The following ARFIP1 variants were observed in gnomAD, a reference collection of about 807,000 sequenced individuals.
ARFIP1 encodes ARF interacting protein 1.
ARFIP1 carries 24 observed loss-of-function variants against 42.5 expected under a neutral mutation model. That is an observed-to-expected ratio of 0.57 (90% CI 0.41 to 0.80). ARFIP1 has a LOEUF of 0.80. Among genes scored for constraint, ARFIP1 ranks in the 30% least tolerant of loss-of-function variants. The probability of loss-of-function intolerance (pLI) is 0.00; values close to 1 mark genes in which losing one functional copy is unlikely to be tolerated. For missense variants in ARFIP1, 354 were observed against 434.0 expected (o/e 0.82, Z 1.64); for synonymous variants, 141 against 153.7 (o/e 0.92, Z 0.61).
intron 1 of ARFIP1, among the ~76,000 whole-genome samples, chr4:152,804,194 TATAACATGTATTATATATTATATATA>T: frequency 2.0e-5 from 1 of 50,586 alleles, no homozygotes; most frequent in South Asian, 6.1e-4. Flanking sequence ...TTATATATAA[TATAACATGTATTATATATTATATATA>T]ATATAACATG....
chr4:152,857,609 C>T (rs2149872122), intron 2 of ARFIP1, among the ~76,000 whole-genome samples: 1 of 152,248 alleles, frequency 6.6e-6, no homozygotes, highest in African/African-American at 2.4e-5. Flanking sequence ...TTTCAGTTAG[C>T]ACAGTTTAGT....
intron 1 of ARFIP1, among the ~76,000 whole-genome samples, chr4:152,824,326 G>T (rs1180513553): frequency 3.3e-5 from 5 of 149,698 alleles, no homozygotes; most frequent in Middle Eastern, 3.5e-3. Flanking sequence ...AAAAAAAAAA[G>T]TAAAAAGGTA....
At chr4:152,889,002 G>A (rs751204376) in intron 8 of ARFIP1, among the ~76,000 whole-genome samples, 5 of 152,126 alleles carry the variant, frequency 3.3e-5, no homozygotes, top group Non-Finnish European at 2.9e-5. Context: ...AGCATGGTAC[G>A]GAATAGGTGT....
At chr4:152,868,381 AAGATCCTGTATTATTGAG>A (rs1222859078) in intron 3 of ARFIP1, among the ~76,000 whole-genome samples, 3 of 152,288 alleles carry the variant, frequency 2.0e-5, no homozygotes, top group African/African-American at 7.2e-5. Context: ...GCCAGTTAGT[AAGATCCTGTATTATTGAG>A]AGATCCTGTA....
rs7663130 is a variant in ARFIP1, at chr4:152,804,213, T to C, written c.-10+23987T>C. ...ATATAATATAACATGTATTATATAT[T>C]ATATATAATATAACATGTATTATAT... On this transcript the variant is annotated intron_variant, in intron 1 of 8. Coordinates refer to ENST00000353617, the MANE Select transcript of ARFIP1 (RefSeq NM_001025595.3). 2.7e-4 allele frequency among the ~76,000 whole-genome samples: 10 copies of C among 36,902 alleles called. No individual in the cohort carries two copies. In the East Asian group the frequency reaches 3.1e-3, roughly 11 times the overall value. 24.2% of individuals were successfully genotyped at this position (36,902 alleles called of 152,430 possible).
chr4:152,782,275 A>C (rs371621628), intron 1 of ARFIP1, among the ~76,000 whole-genome samples: 3 of 151,632 alleles, frequency 2.0e-5, no homozygotes, highest in South Asian at 4.2e-4. Flanking sequence ...CAAACTGTAA[A>C]TTGTTTGCTT....
At chr4:152,892,886 CAT>C (rs1294429964) in intron 8 of ARFIP1, among the ~76,000 whole-genome samples, 1 of 152,204 alleles carries the variant, frequency 6.6e-6, no homozygotes, top group Non-Finnish European at 1.5e-5. Flanking sequence ...GCAGTAAAGA[CAT>C]AGCTCATTTG....
chr4:152,889,940 CTA>C (rs905204083), intron 8 of ARFIP1, among the ~76,000 whole-genome samples: 11 of 138,226 alleles, frequency 8.0e-5, no homozygotes, highest in East Asian at 4.1e-4. Context: ...TATACATACA[CTA>C]TATATTTTAG....
At chr4:152,832,838 A>G (rs974227310) in intron 2 of ARFIP1, among the ~76,000 whole-genome samples, 3 of 152,208 alleles carry the variant, frequency 2.0e-5, no homozygotes, top group Admixed American at 2.0e-4. Flanking sequence ...TCTTCTTTCT[A>G]TACATATGCA....
Position 152,880,956 on chromosome 4 carries a change from C to A in ARFIP1, c.412-7C>A. The A allele has an allele frequency of 1.9e-6, 3 of 1,604,266 alleles. No individual in the cohort carries two copies. Among genetic ancestry groups the A allele is most frequent in the Non-Finnish European group, 2.6e-6 (3 of 1,173,842 alleles). ...CTTTCTAAACAAAATGCATCTTCCACTTTTAGTGTACTCGACAGATTATCT... is the reference window on the plus strand; with the variant it reads ...CTTTCTAAACAAAATGCATCTTCCAATTTTAGTGTACTCGACAGATTATCT... On this transcript the variant is annotated splice_region_variant and splice_polypyrimidine_tract_variant and intron_variant, in intron 5 of 8. Coordinates refer to ENST00000353617, the MANE Select transcript of ARFIP1 (RefSeq NM_001025595.3).
At chr4:152,854,172 C>CA (rs1733234291) in intron 2 of ARFIP1, among the ~76,000 whole-genome samples, 1 of 152,092 alleles carries the variant, frequency 6.6e-6, no homozygotes, top group African/African-American at 2.4e-5. Flanking sequence ...CTCAGCCTCT[C>CA]AAAGTGCTGG....
chr4:152,795,671 T>G (rs891713254), intron 1 of ARFIP1, among the ~76,000 whole-genome samples: 1 of 152,150 alleles, frequency 6.6e-6, no homozygotes, highest in Non-Finnish European at 1.5e-5. Flanking sequence ...AGTGCCTGTT[T>G]CCCTTACATC....
chr4:152,896,929 G>A (rs1400160317), intron 8 of ARFIP1, among the ~76,000 whole-genome samples: 3 of 152,148 alleles, frequency 2.0e-5, no homozygotes, highest in African/African-American at 4.8e-5. Context: ...TAGAATGTGA[G>A]TTCTGTTGCA....
rs149720634 is a variant in ARFIP1, at chr4:152,825,538, A to C, written c.-9-4087A>C. 5.1e-3 allele frequency among the ~76,000 whole-genome samples: 779 copies of C among 152,352 alleles called. 7 individuals are homozygous for C. The highest frequency in any genetic ancestry group is 0.018 in the African/African-American group (748 of 41,576). On this transcript the variant is annotated intron_variant, in intron 1 of 8. Transcript: ENST00000353617. ...CCCTTGCCTGTCACCACATACAAAA[A>C]TTAACTCAAGATGGATTAAAGACTT...
At chr4:152,791,974 C>T (rs1324879771) in intron 1 of ARFIP1, among the ~76,000 whole-genome samples, 1 of 152,026 alleles carries the variant, frequency 6.6e-6, no homozygotes, top group Non-Finnish European at 1.5e-5. Context: ...ACTGATCTTA[C>T]CATTCTGTTC....
chr4:152,784,094 A>G (rs1033162459), intron 1 of ARFIP1, among the ~76,000 whole-genome samples: 11 of 152,206 alleles, frequency 7.2e-5, no homozygotes, highest in African/African-American at 2.7e-4. Flanking sequence ...TAAACAGGAA[A>G]CTTTAATATG....
At chr4:152,876,806 G>A (rs1203747470) in intron 5 of ARFIP1, among the ~76,000 whole-genome samples, 1 of 152,196 alleles carries the variant, frequency 6.6e-6, no homozygotes, top group Non-Finnish European at 1.5e-5. Flanking sequence ...TTAATGCCCT[G>A]TGTCCTAGCC....
intron 8 of ARFIP1, among the ~76,000 whole-genome samples, chr4:152,892,157 T>G (rs1736914526): frequency 6.6e-6 from 1 of 152,164 alleles, no homozygotes; most frequent in African/African-American, 2.4e-5. Context: ...TTTTCCCACC[T>G]CAGCCTCCCA....
chr4:152,854,659 C>T (rs907448418), intron 2 of ARFIP1, among the ~76,000 whole-genome samples: 7 of 152,260 alleles, frequency 4.6e-5, no homozygotes, highest in Non-Finnish European at 8.8e-5. Context: ...GGTGAGTAGG[C>T]TACTTTGACT....
Sources: allele counts gnomAD v4.1 joint callset (sites outside exome capture counted in the v4.1 genomes callset), GRCh38; gene constraint gnomAD v4.1.1; transcripts MANE v1.5; gene names NCBI Gene and HGNC (gene_info 2026-07-23, HGNC 2026-07-21).